The following NLRC5 variants were observed in gnomAD, a reference collection of about 807,000 sequenced individuals.
NLRC5 encodes the protein NLR family CARD domain containing 5, also known as protein NLRC5.
A neutral mutation model predicts 206.9 loss-of-function variants in NLRC5; 114 were observed. The ratio of observed to expected loss-of-function variants is 0.55; its 90% confidence interval spans 0.47 to 0.64. NLRC5 has a LOEUF of 0.64. Ranked by LOEUF, NLRC5 falls within the 30% of genes least tolerant of loss-of-function variation. NLRC5 has a pLI of 0.00. For missense variants in NLRC5, 2,008 were observed against 2,305.5 expected, an observed-to-expected ratio of 0.87 and a Z score of 2.64; for synonymous variants, 952 against 962.8, an observed-to-expected ratio of 0.99 and a Z score of 0.21.
Position 57,069,907 on chromosome 16 carries a change from T to A in NLRC5, c.4571T>A (p.Leu1524Ter), listed in dbSNP as rs1461898409. 15 of 1,576,820 alleles carry A rather than the reference T, an allele frequency of 9.5e-6. No homozygotes were observed. The highest frequency in any genetic ancestry group is 1.3e-5 in the Non-Finnish European group (15 of 1,161,836). ...TCTGGTCTGGGCCACTGCCACCACT[T>A]GGAGGAGCTGGAGTGAGTTGCAGAG... ...LASGLGHCHHLEELDLSNNQF... is the reference protein window; with the variant it reads ...LASGLGHCHH The change falls in exon 37 of 49, where the codon TTG becomes TAG. Residue 1524 changes from leucine to a stop codon, truncating the protein, a stop_gained. Transcript: ENST00000688547. LOFTEE classifies it high-confidence loss of function.
At chr16:57,060,998 G>A (rs764310500) in intron 30 of NLRC5, among the ~76,000 whole-genome samples, 24 of 152,264 alleles carry the variant, frequency 1.6e-4, no homozygotes, top group Non-Finnish European at 3.1e-4. Flanking sequence ...GCTGGTCCGG[G>A]AGAGTAAGGC....
intron 1 of NLRC5, among the ~76,000 whole-genome samples, chr16:57,011,858 T>C (rs1241846965): frequency 1.3e-5 from 2 of 152,240 alleles, no homozygotes; most frequent in Non-Finnish European, 2.9e-5. Context: ...ATTATTATAA[T>C]ATGTTAATTT....
chr16:57,081,625 C>T lies in NLRC5; in HGVS notation c.5489+15C>T. On this transcript the variant is annotated intron_variant, in intron 48 of 48. Coordinates refer to ENST00000688547, the MANE Select transcript of NLRC5 (RefSeq NM_001384950.1). ...CAAGTCATCCGGTAACAGAGGCCTGCAGGGGCAGGGATGGTGGGTGGGAGG... is the reference window on the plus strand; with the variant it reads ...CAAGTCATCCGGTAACAGAGGCCTGTAGGGGCAGGGATGGTGGGTGGGAGG... The T allele has an allele frequency of 6.2e-7, 1 of 1,609,748 alleles. No homozygotes were observed. The highest frequency in any genetic ancestry group is 8.5e-7 in the Non-Finnish European group (1 of 1,176,202).
chr16:57,021,081 G>A, intron 3 of NLRC5, 74 bp downstream of exon 3: 2 of 1,397,004 alleles, frequency 1.4e-6, no homozygotes, highest in Non-Finnish European at 9.9e-7. Context: ...GGAGCCCAGG[G>A]ACCCACCTAA....
In NLRC5 at chr16:57,025,608, G is replaced by A; in HGVS notation, c.665G>A (p.Arg222Lys). ...AACACCAGGGTTAACAAGGGCCCGAGGGTGACCGTGCTTTTGGGGAAGGCT... is the reference window on the plus strand; with the variant it reads ...AACACCAGGGTTAACAAGGGCCCGAAGGTGACCGTGCTTTTGGGGAAGGCT... The part of the protein sequence containing the change: ...LFNTRVNKGP[R>K]VTVLLGKAGM... Residue 222 changes from arginine (R) to lysine (K), a missense_variant, in exon 6 of 49, where the codon AGG (arginine) becomes AAG (lysine). Coordinates refer to ENST00000688547, the MANE Select transcript of NLRC5 (RefSeq NM_001384950.1). 6.2e-7 allele frequency: 1 copy of A among 1,614,184 alleles called. No individual in the cohort carries two copies. Among genetic ancestry groups the A allele is most frequent in the Non-Finnish European group, 8.5e-7 (1 of 1,180,024 alleles).
Position 57,067,838 on chromosome 16 carries a change from C to T in NLRC5, c.4499+10C>T. 6.2e-7 allele frequency: 1 copy of T among 1,605,608 alleles called. No individual in the cohort carries two copies. Among genetic ancestry groups the T allele is most frequent in the Non-Finnish European group, 8.5e-7 (1 of 1,172,202 alleles). On this transcript the variant is annotated intron_variant, in intron 36 of 48. Coordinates refer to ENST00000688547, the MANE Select transcript of NLRC5 (RefSeq NM_001384950.1). ...AGCTGAAGACATTTCGGTATGTAGA[C>T]AAGACATTCACTCAGTCCCCTTTGC...
rs530926041 is a variant in NLRC5 at position 57,012,356 on chromosome 16, C to T, written c.-127-4718C>T. On this transcript the variant is annotated intron_variant, in intron 1 of 48. Transcript: ENST00000688547. Reference sequence around the variant, plus strand: ...TTTGTGTAGATGTATATTTTCATTTCTCTTGGAATAGACCTAGGCGTGGAA... The same window carrying T: ...TTTGTGTAGATGTATATTTTCATTTTTCTTGGAATAGACCTAGGCGTGGAA... 3.9e-5 allele frequency among the ~76,000 whole-genome samples: 6 copies of T among 152,120 alleles called. No homozygotes were observed. In the South Asian group the frequency reaches 1.0e-3, roughly 26 times the overall value.
At position 57,022,314 on chromosome 16, in the gene NLRC5, T is replaced by G; in HGVS notation, c.354T>G (p.His118Gln). ...GCCAACCTGAATCTCAGCTCCACCATGGTGAGGACTGGAGTTGGGGGGTGG... is the reference window on the plus strand; with the variant it reads ...GCCAACCTGAATCTCAGCTCCACCAGGGTGAGGACTGGAGTTGGGGGGTGG... ...GKSQPESQLH[H>Q]GLKRPHQSCG... Residue 118 changes from histidine to glutamine, a missense_variant and splice_region_variant, in exon 4 of 49, where the codon CAT becomes CAG. By Grantham distance (24) the His-to-Gln change is conservative (BLOSUM62 0). Coordinates refer to ENST00000688547, the MANE Select transcript of NLRC5 (RefSeq NM_001384950.1). 1.2e-6 allele frequency: 2 copies of G among 1,610,806 alleles called. No homozygotes were observed. The highest frequency in any genetic ancestry group is 4.5e-5 in the East Asian group (2 of 44,720).
At chr16:57,049,287 C>T (rs1198026294) in intron 23 of NLRC5, among the ~76,000 whole-genome samples, 7 of 152,134 alleles carry the variant, frequency 4.6e-5, no homozygotes, top group African/African-American at 1.4e-4. Flanking sequence ...TTTTGTGTAG[C>T]ACTGCAGTCA....
In NLRC5 at chr16:57,042,059, C is replaced by G. The variant is rs781610538; in HGVS notation, c.3107C>G (p.Ser1036Cys). ...QLLPGLGALQ[S>C]LNLSENGLSL... ...CTCCCAGGGCTGGGAGCTCTGCAGT[C>G]CTTGAAGTGAGTAGCCCGCTAGGCA... The change falls in exon 19 of 49, where the codon TCC becomes TGC. Residue 1036 changes from serine (S) to cysteine (C), a missense_variant. By Grantham distance (112) the Ser-to-Cys change is moderately radical (BLOSUM62 -1). Coordinates refer to ENST00000688547, the MANE Select transcript of NLRC5 (RefSeq NM_001384950.1). The G allele has an allele frequency of 7.8e-6, 12 of 1,547,804 alleles. No homozygotes were observed. The highest frequency in any genetic ancestry group is 1.0e-5 in the Non-Finnish European group (12 of 1,149,816).
chr16:57,028,471 C>A, intron 8 of NLRC5, 86 bp downstream of exon 8: 1 of 1,011,862 alleles, frequency 9.9e-7, no homozygotes, highest in South Asian at 1.3e-5. Flanking sequence ...GCATGTTCCT[C>A]CAAGTCTGAC....
Position 57,022,204 on chromosome 16 carries a change from C to T in NLRC5, c.296-52C>T. ...CCAGGCGCCAGGCCAGAGCTGGTCC[C>T]CAGCATCCCTCGACAGCCCCATACC... On this transcript the variant is annotated intron_variant, in intron 3 of 48. Coordinates refer to ENST00000688547, the MANE Select transcript of NLRC5 (RefSeq NM_001384950.1). 2.0e-6 allele frequency: 3 copies of T among 1,532,750 alleles called. No homozygotes were observed. The South Asian group carries it at 3.5e-5, about 18-fold the overall frequency. 94.9% of individuals were successfully genotyped at this position (1,532,750 alleles called of 1,614,324 possible). A position where few individuals can be genotyped will look rare whatever the true frequency, so the allele number is the denominator to read the frequency against.
intron 5 of NLRC5, among the ~76,000 whole-genome samples, chr16:57,024,747 C>T (rs1231408125): frequency 6.6e-6 from 1 of 152,204 alleles, no homozygotes; most frequent in Admixed American, 6.5e-5. Flanking sequence ...CGGTGGCTCA[C>T]ACCTGTAATC....
intron 3 of NLRC5, among the ~76,000 whole-genome samples, chr16:57,021,597 C>T (rs1246337915): frequency 6.6e-6 from 1 of 152,218 alleles, no homozygotes; most frequent in Non-Finnish European, 1.5e-5. Flanking sequence ...TCTTGAACTC[C>T]TGGCCTTAAG....
In NLRC5 at chr16:57,037,047, C is replaced by G. The variant is rs2062676422; in HGVS notation, c.2712-148C>G. 6 of 701,968 alleles carry G rather than the reference C, an allele frequency of 8.5e-6. No individual in the cohort carries two copies. In the South Asian group the frequency reaches 9.3e-5, roughly 11 times the overall value. The allele number at this position is 701,968 out of a possible 1,614,324, so 43.5% of individuals were successfully genotyped here. ...CATTTTTTGGCTTACTCACACGCAC[C>G]AGAATCCTTTGAGATCCCCTGGCAA... On this transcript the variant is annotated intron_variant, in intron 14 of 48. Coordinates refer to ENST00000688547, the MANE Select transcript of NLRC5 (RefSeq NM_001384950.1).
chr16:57,004,723 AG>A (rs2058708626), intron 1 of NLRC5: 2 of 152,320 alleles, frequency 1.3e-5, no homozygotes, highest in South Asian at 4.1e-4. Context: ...GGAGAGAACA[AG>A]GTTTGATCTC....
chr16:57,080,530 G>C (rs1258196378), intron 46 of NLRC5, among the ~76,000 whole-genome samples: 1 of 130,596 alleles, frequency 7.7e-6, no homozygotes. Flanking sequence ...TGTTACCCAG[G>C]CTGGAGTGCA....
chr16:57,069,302 G>T (rs1423706089), intron 36 of NLRC5, among the ~76,000 whole-genome samples: 1 of 152,222 alleles, frequency 6.6e-6, no homozygotes, highest in East Asian at 1.9e-4. Context: ...ATTACACCAA[G>T]AAGAAACTCT....
chr16:57,067,832 T>A lies in NLRC5; in HGVS notation c.4499+4T>A. ...TCTCTGAGCTGAAGACATTTCGGTA[T>A]GTAGACAAGACATTCACTCAGTCCC... On this transcript the variant is annotated splice_donor_region_variant and intron_variant, in intron 36 of 48. Transcript: ENST00000688547. 1 of 1,611,522 alleles carries A rather than the reference T, an allele frequency of 6.2e-7. No homozygotes were observed. The highest frequency in any genetic ancestry group is 8.5e-7 in the Non-Finnish European group (1 of 1,177,584).
Sources: gnomAD v4.1 joint callset for allele counts (sites outside exome capture counted in the v4.1 genomes callset) on GRCh38, gnomAD v4.1.1 for gene constraint, MANE v1.5 for transcripts, NCBI Gene and HGNC (gene_info 2026-07-23, HGNC 2026-07-21) for gene names.